Variants in HHAT observed in about 807,000 individuals in gnomAD.
HHAT encodes the protein hedgehog acyltransferase, also known as protein-cysteine N-palmitoyltransferase HHAT.
HHAT carries 47 observed loss-of-function variants against 70.8 expected under a neutral mutation model. The ratio of observed to expected loss-of-function variants is 0.66; its 90% confidence interval spans 0.53 to 0.85. The LOEUF is 0.85. Ranked by LOEUF, HHAT falls within the 40% of genes least tolerant of loss-of-function variation. The pLI is 0.00. For missense variants in HHAT, 609 were observed against 604.8 expected, an observed-to-expected ratio of 1.01 and a Z score of -0.07; for synonymous variants, 228 against 247.6, an observed-to-expected ratio of 0.92 and a Z score of 0.74.
At chr1:210,492,548 T>C (rs891182301) in intron 8 of HHAT, among the ~76,000 whole-genome samples, 1 of 152,136 alleles carries the variant, frequency 6.6e-6, no homozygotes, top group African/African-American at 2.4e-5. Flanking sequence ...TGGAAACCTA[T>C]TTGATTAAGA....
chr1:210,327,486 T>TA (rs1215641879), upstream of HHAT, among the ~76,000 whole-genome samples: 5 of 152,248 alleles, frequency 3.3e-5, no homozygotes, highest in East Asian at 7.7e-4. Flanking sequence ...ACTAAAAAGT[T>TA]ACATATTGTT....
chr1:210,666,673 C>A (rs532501823), intron 11 of HHAT, among the ~76,000 whole-genome samples: 28 of 152,108 alleles, frequency 1.8e-4, no homozygotes, highest in African/African-American at 5.1e-4. Context: ...TAGTAGAGAC[C>A]AAGTTTTGCC....
In HHAT at chr1:210,564,912, C is replaced by T. The variant is rs114289298; in HGVS notation, c.1044-22986C>T. On this transcript the variant is annotated intron_variant, in intron 9 of 11. Transcript: ENST00000261458. The stretch of plus-strand genomic sequence containing the variant: ...TGTGTGTAGACTGCTCTTTCAAGGA[C>T]CTTAAATACCTGCTTTTAAAAAAAG... 7.9e-3 allele frequency among the ~76,000 whole-genome samples: 1,199 copies of T among 152,004 alleles called. 5 individuals are homozygous for T. Among genetic ancestry groups the T allele is most frequent in the Non-Finnish European group, 0.011 (778 of 67,984 alleles).
At chr1:210,365,964 C>T (rs1320642694) in intron 3 of HHAT, among the ~76,000 whole-genome samples, 1 of 151,768 alleles carries the variant, frequency 6.6e-6, no homozygotes, top group South Asian at 2.1e-4. Context: ...TGATCCTGCT[C>T]TGTCACCCAG....
intron 11 of HHAT, among the ~76,000 whole-genome samples, chr1:210,633,148 G>A (rs1276861689): frequency 6.6e-6 from 1 of 152,238 alleles, no homozygotes; most frequent in Non-Finnish European, 1.5e-5. Context: ...GGATTCTGTT[G>A]TGTGGAGTAT....
chr1:210,562,562 T>G (rs11808209), intron 9 of HHAT, among the ~76,000 whole-genome samples: 25,960 of 152,146 alleles, frequency 0.17, 2,758 homozygotes, highest in Middle Eastern at 0.27. Context: ...CAACATCTAC[T>G]GAGCGCTTGC....
chr1:210,349,116 CAAAA>C, intron 2 of HHAT, 50 bp downstream of exon 2: 1 of 1,573,756 alleles, frequency 6.4e-7, no homozygotes, highest in African/African-American at 1.4e-5. Context: ...AAACTCCTGT[CAAAA>C]AAAGGAGCAG....
intron 11 of HHAT, among the ~76,000 whole-genome samples, chr1:210,669,414 T>A: frequency 6.6e-6 from 1 of 152,236 alleles, no homozygotes; most frequent in East Asian, 1.9e-4. Context: ...CTCACTGATA[T>A]CCTATTAACA....
chr1:210,674,210 A>G, intron 11 of HHAT, 78 bp from the exon 12 acceptor site: 1 of 1,228,020 alleles, frequency 8.1e-7, no homozygotes, highest in Non-Finnish European at 1.2e-6. Context: ...CTTCTCCAAA[A>G]GGGGACAGTT....
chr1:210,586,963 A>C (rs1408241094), intron 9 of HHAT, among the ~76,000 whole-genome samples: 1 of 152,216 alleles, frequency 6.6e-6, no homozygotes, highest in Non-Finnish European at 1.5e-5. Flanking sequence ...CCCTGTGAGC[A>C]CAGAGCTCTT....
intron 9 of HHAT, among the ~76,000 whole-genome samples, chr1:210,559,023 G>T (rs17260550): frequency 2.0e-5 from 3 of 152,188 alleles, no homozygotes; most frequent in Admixed American, 6.5e-5. Flanking sequence ...GTAGAATCCC[G>T]TTCGGTCAGT....
At position 210,551,435 on chromosome 1, in the gene HHAT, G is replaced by T. The variant is rs11806688; in HGVS notation, c.1044-36463G>T. On this transcript the variant is annotated intron_variant, in intron 9 of 11. Transcript: ENST00000261458. The stretch of plus-strand genomic sequence containing the variant: ...TCTAACCCTGCTAGAAGATTGGTAG[G>T]TTTATTTTTGTTTTTTAAATTGTGT... Among the ~76,000 whole-genome samples, 1,212 of 136,254 alleles carry T rather than the reference G, an allele frequency of 8.9e-3. 102 individuals carry two copies. Among genetic ancestry groups the T allele is most frequent in the African/African-American group, 0.029 (1,026 of 35,576 alleles). 89.4% of individuals were successfully genotyped at this position (136,254 alleles called of 152,430 possible). A position where few individuals can be genotyped will look rare whatever the true frequency, so the allele number is the denominator to read the frequency against.
At position 210,577,650 on chromosome 1, in the gene HHAT, T is replaced by TA. The variant is rs1421362366; in HGVS notation, c.1044-10248_1044-10247insA. 6.0e-4 allele frequency among the ~76,000 whole-genome samples: 75 copies of TA among 125,010 alleles called. 2 individuals carry two copies. The highest frequency in any genetic ancestry group is 3.8e-3 in the Middle Eastern group (1 of 262). 82.0% of individuals were successfully genotyped at this position (125,010 alleles called of 152,430 possible). ...TTGGCCTGTAGGATTTTTTTTTTTTTTTTTTTTTTTTTTTCGAAATGGAGT... is the reference window on the plus strand; with the variant it reads ...TTGGCCTGTAGGATTTTTTTTTTTTTATTTTTTTTTTTTTTCGAAATGGAGT... On this transcript the variant is annotated intron_variant, in intron 9 of 11. Coordinates refer to ENST00000261458, the MANE Select transcript of HHAT (RefSeq NM_018194.6).
Position 210,490,398 on chromosome 1 carries a change from G to A in HHAT, c.1008-22755G>A, listed in dbSNP as rs908980211. ...CACACATGGATATGAATGGAGTGAT[G>A]TCTCTACTGATTTCCTTGGTTCTCC... On this transcript the variant is annotated intron_variant, in intron 8 of 11. Coordinates refer to ENST00000261458, the MANE Select transcript of HHAT (RefSeq NM_018194.6). Among the ~76,000 whole-genome samples the A allele has an allele frequency of 5.4e-4, 83 of 152,322 alleles. 2 individuals are homozygous for A. The highest frequency in any genetic ancestry group is 1.7e-4 in the African/African-American group (7 of 41,564).
chr1:210,336,159 A>G (rs1248724228), intron 1 of HHAT, among the ~76,000 whole-genome samples: 3 of 152,008 alleles, frequency 2.0e-5, no homozygotes, highest in Non-Finnish European at 4.4e-5. Context: ...TCGCTCTGTC[A>G]CCCAGGCGGG....
chr1:210,394,021 T>C (rs536197159), intron 4 of HHAT, among the ~76,000 whole-genome samples: 1 of 152,216 alleles, frequency 6.6e-6, no homozygotes, highest in South Asian at 2.1e-4. Flanking sequence ...AGTTGTCCTT[T>C]TTTCTCCCCA....
intron 9 of HHAT, among the ~76,000 whole-genome samples, chr1:210,528,411 T>C (rs1371918437): frequency 6.6e-6 from 1 of 152,216 alleles, no homozygotes; most frequent in Non-Finnish European, 1.5e-5. Flanking sequence ...GGCTGGGCCA[T>C]GTAAGGCCTT....
At chr1:210,627,751 C>G (rs1185762818) in intron 11 of HHAT, among the ~76,000 whole-genome samples, 4 of 152,060 alleles carry the variant, frequency 2.6e-5, no homozygotes, top group African/African-American at 9.7e-5. Flanking sequence ...AAAAAAAACT[C>G]CAAATTTTTA....
intron 11 of HHAT, among the ~76,000 whole-genome samples, chr1:210,664,962 T>C (rs1678578060): frequency 6.6e-6 from 1 of 152,162 alleles, no homozygotes; most frequent in African/African-American, 2.4e-5. Context: ...CCAAGTCTTA[T>C]AAATCCCTCT....
Sources: gnomAD v4.1 joint callset for allele counts (sites outside exome capture counted in the v4.1 genomes callset) on GRCh38, gnomAD v4.1.1 for gene constraint, MANE v1.5 for transcripts, NCBI Gene and HGNC (gene_info 2026-07-23, HGNC 2026-07-21) for gene names.